PCDH9: variants seen among roughly 807,000 people sequenced by gnomAD.
The protein encoded by PCDH9 is protocadherin-9.
Under a neutral mutation model 70.6 loss-of-function variants are expected in PCDH9, and 24 were observed. That is an observed-to-expected ratio of 0.34 (90% CI 0.25 to 0.48). The LOEUF (loss-of-function observed/expected upper bound fraction) is 0.48. Ranked by LOEUF, PCDH9 falls within the 20% of genes least tolerant of loss-of-function variation. The pLI, the probability that PCDH9 is intolerant of heterozygous loss-of-function variation, is 0.99. For missense variants in PCDH9, 1,281 were observed against 1,503.6 expected (o/e 0.85, Z 2.45); for synonymous variants, 562 against 558.5 (o/e 1.01, Z -0.09).
At chr13:66,930,147 T>C (rs1488298771) in intron 2 of PCDH9, among the ~76,000 whole-genome samples, 1 of 152,168 alleles carries the variant, frequency 6.6e-6, no homozygotes, top group Non-Finnish European at 1.5e-5. Context: ...ACCAATGTTC[T>C]ATGCACCTTT....
At chr13:67,195,156 T>G (rs946006492) in intron 2 of PCDH9, among the ~76,000 whole-genome samples, 1 of 151,932 alleles carries the variant, frequency 6.6e-6, no homozygotes, top group African/African-American at 2.4e-5. Context: ...CTTTCTTTTT[T>G]TTTTTTTGAG....
intron 4 of PCDH9, among the ~76,000 whole-genome samples, chr13:66,522,035 AC>A (rs957630028): frequency 2.9e-5 from 2 of 68,008 alleles, no homozygotes; most frequent in African/African-American, 6.3e-5. Flanking sequence ...GTGTATATAT[AC>A]ATATATATAT....
At chr13:66,324,214 C>G (rs983438939) in intron 4 of PCDH9, among the ~76,000 whole-genome samples, 1 of 152,012 alleles carries the variant, frequency 6.6e-6, no homozygotes, top group African/African-American at 2.4e-5. Flanking sequence ...CCTTTTGCAT[C>G]TGAGAGAATA....
At chr13:67,041,073 AG>A (rs2085104234) in intron 2 of PCDH9, among the ~76,000 whole-genome samples, 1 of 152,078 alleles carries the variant, frequency 6.6e-6, no homozygotes, top group Non-Finnish European at 1.5e-5. Flanking sequence ...TAAAAAAAAA[AG>A]ATTAGATATA....
intron 3 of PCDH9, among the ~76,000 whole-genome samples, chr13:66,887,419 AT>A (rs1038532544): frequency 6.6e-6 from 1 of 152,012 alleles, no homozygotes; most frequent in African/African-American, 2.4e-5. Flanking sequence ...TACAGCAGAG[AT>A]TTTTTTTAAC....
chr13:66,321,891 A>G (rs560305557), intron 4 of PCDH9, among the ~76,000 whole-genome samples: 264 of 151,864 alleles, frequency 1.7e-3, no homozygotes, highest in Non-Finnish European at 3.3e-3. Context: ...CTTGCTTGAC[A>G]CCCCAGGGTC....
At chr13:67,120,187 AAATAATAAT>A (rs149316252) in intron 2 of PCDH9, among the ~76,000 whole-genome samples, 2 of 143,740 alleles carry the variant, frequency 1.4e-5, no homozygotes, top group South Asian at 2.2e-4. Flanking sequence ...CTCATGCATT[AAATAATAAT>A]AATAATAATA....
chr13:66,887,888 A>G (rs1363378173), intron 3 of PCDH9, among the ~76,000 whole-genome samples: 1 of 152,212 alleles, frequency 6.6e-6, no homozygotes, highest in African/African-American at 2.4e-5. Context: ...TACAAACCTA[A>G]AAGTCATAAT....
chr13:66,770,692 A>G (rs1050142827), intron 3 of PCDH9, among the ~76,000 whole-genome samples: 1 of 152,172 alleles, frequency 6.6e-6, no homozygotes, highest in African/African-American at 2.4e-5. Flanking sequence ...TGTCCCTCCA[A>G]CAAAGGCTAT....
intron 4 of PCDH9, among the ~76,000 whole-genome samples, chr13:66,324,417 T>C (rs766510515): frequency 7.2e-5 from 11 of 152,038 alleles, no homozygotes; most frequent in Non-Finnish European, 1.6e-4. Context: ...GTTAGAGAGA[T>C]AAAGTGACTT....
intron 2 of PCDH9, among the ~76,000 whole-genome samples, chr13:67,032,053 C>T (rs1327978672): frequency 2.0e-5 from 3 of 152,184 alleles, no homozygotes; most frequent in Non-Finnish European, 4.4e-5. Context: ...AGAAATTTTG[C>T]AATTAGCTAC....
intron 4 of PCDH9, among the ~76,000 whole-genome samples, chr13:66,369,881 A>T (rs1723561592): frequency 6.6e-6 from 1 of 152,132 alleles, no homozygotes; most frequent in Non-Finnish European, 1.5e-5. Context: ...TTTTGTCAAA[A>T]ATGTCAGAAA....
chr13:66,912,103 T>C (rs1408255987), intron 2 of PCDH9, among the ~76,000 whole-genome samples: 1 of 152,150 alleles, frequency 6.6e-6, no homozygotes, highest in Non-Finnish European at 1.5e-5. Context: ...TGACTAAACA[T>C]TTATTAAATT....
At position 66,322,722 on chromosome 13, in the gene PCDH9, A is replaced by G. The variant is rs148406070; in HGVS notation, c.3341-17694T>C. ...ATTATATACTCTAAGAATCAATGAC[A>G]TGAAATTTTCTGAAGTAGATCCAGT... On this transcript the variant is annotated intron_variant, in intron 4 of 4. Transcript: ENST00000377865. 5.9e-5 allele frequency among the ~76,000 whole-genome samples: 9 copies of G among 152,174 alleles called. No individual in the cohort carries two copies. In the East Asian group the frequency reaches 1.7e-3, roughly 29 times the overall value.
intron 3 of PCDH9, among the ~76,000 whole-genome samples, chr13:66,634,169 C>A (rs2077607815): frequency 6.6e-6 from 1 of 152,134 alleles, no homozygotes; most frequent in Non-Finnish European, 1.5e-5. Context: ...TTATGAAAAT[C>A]TTTCTGAATT....
chr13:66,987,414 A>T (rs1358876481), intron 2 of PCDH9, among the ~76,000 whole-genome samples: 1 of 152,058 alleles, frequency 6.6e-6, no homozygotes, highest in Non-Finnish European at 1.5e-5. Context: ...TGCTGTTGAT[A>T]CATTAATTGT....
At chr13:66,755,751 C>A (rs2079529837) in intron 3 of PCDH9, among the ~76,000 whole-genome samples, 1 of 152,006 alleles carries the variant, frequency 6.6e-6, no homozygotes, top group African/African-American at 2.4e-5. Context: ...AGTATAAGCT[C>A]TGGATTTGAA....
intron 2 of PCDH9, among the ~76,000 whole-genome samples, chr13:67,141,345 T>C (rs1322724203): frequency 6.6e-6 from 1 of 152,138 alleles, no homozygotes; most frequent in Non-Finnish European, 1.5e-5. Context: ...CCCAGCATTT[T>C]GGGAGGCTGA....
At chr13:66,995,946 A>C (rs1315360033) in intron 2 of PCDH9, among the ~76,000 whole-genome samples, 1 of 152,156 alleles carries the variant, frequency 6.6e-6, no homozygotes, top group Admixed American at 6.5e-5. Flanking sequence ...ACTATGAATT[A>C]TTGTATTAAC....
Sources: gnomAD v4.1 joint callset for allele counts (sites outside exome capture counted in the v4.1 genomes callset) on GRCh38, gnomAD v4.1.1 for gene constraint, MANE v1.5 for transcripts, NCBI Gene and HGNC (gene_info 2026-07-23, HGNC 2026-07-21) for gene names.